Variants in CDC42SE2 observed in about 807,000 individuals in gnomAD.
The protein encoded by CDC42SE2 is CDC42 small effector protein 2.
A neutral mutation model predicts 11.5 loss-of-function variants in CDC42SE2; 3 were observed. The observed-to-expected ratio is 0.26, with a 90% CI of 0.12 to 0.67. The LOEUF (loss-of-function observed/expected upper bound fraction) is 0.67. Among genes scored for constraint, CDC42SE2 ranks in the 30% least tolerant of loss-of-function variants. CDC42SE2 has a pLI of 0.80. For missense variants in CDC42SE2, 82 were observed against 106.8 expected, an observed-to-expected ratio of 0.77 and a Z score of 1.02; for synonymous variants, 33 against 34.8, an observed-to-expected ratio of 0.95 and a Z score of 0.18.
chr5:131,353,007 C>G (rs1749394045), intron 2 of CDC42SE2, among the ~76,000 whole-genome samples: 1 of 152,054 alleles, frequency 6.6e-6, no homozygotes, highest in Non-Finnish European at 1.5e-5. Context: ...CACTCTGGTG[C>G]CCAGGCTTTA....
chr5:131,210,246 G>A, the CDC42SE2 span, among the ~76,000 whole-genome samples: 1 of 152,184 alleles, frequency 6.6e-6, no homozygotes, highest in East Asian at 1.9e-4. Context: ...CTGATACAGA[G>A]GTGCTGGAGG....
intron 2 of CDC42SE2, among the ~76,000 whole-genome samples, chr5:131,356,252 A>C (rs1202924273): frequency 6.6e-6 from 1 of 152,356 alleles, no homozygotes; most frequent in South Asian, 2.1e-4. Flanking sequence ...TAAAGATTTC[A>C]AAAAGTATAG....
intron 2 of CDC42SE2, among the ~76,000 whole-genome samples, chr5:131,317,914 T>C (rs1266933467): frequency 6.6e-6 from 1 of 152,120 alleles, no homozygotes; most frequent in Non-Finnish European, 1.5e-5. Flanking sequence ...AGAATACCTT[T>C]TTTTCCTACT....
intron 1 of CDC42SE2, among the ~76,000 whole-genome samples, chr5:131,272,643 G>A (rs1351124916): frequency 6.6e-6 from 1 of 151,698 alleles, no homozygotes; most frequent in Non-Finnish European, 1.5e-5. Context: ...ATTTCTACTG[G>A]ATTATCCCTA....
At chr5:131,229,252 T>C in the CDC42SE2 span, among the ~76,000 whole-genome samples, 1 of 152,092 alleles carries the variant, frequency 6.6e-6, no homozygotes, top group Non-Finnish European at 1.5e-5. Context: ...TGGACTTAAG[T>C]GATCCTCCCA....
intron 4 of CDC42SE2, among the ~76,000 whole-genome samples, chr5:131,388,656 T>C (rs188194401): frequency 1.3e-5 from 2 of 152,336 alleles, no homozygotes; most frequent in Admixed American, 1.3e-4. Context: ...TATTGTATAT[T>C]CACAGTCACA....
chr5:131,346,059 T>C (rs977591641), intron 2 of CDC42SE2, among the ~76,000 whole-genome samples: 10 of 152,148 alleles, frequency 6.6e-5, no homozygotes, highest in Admixed American at 5.9e-4. Context: ...TGCCAAATTA[T>C]AAAGACTATC....
chr5:131,372,923 CTTA>C (rs1157492435), intron 3 of CDC42SE2, among the ~76,000 whole-genome samples: 15 of 152,082 alleles, frequency 9.9e-5, no homozygotes, highest in Non-Finnish European at 1.5e-4. Context: ...AGTGAATGCT[CTTA>C]TTATGGATGT....
chr5:131,297,913 C>G (rs998917657), intron 1 of CDC42SE2, among the ~76,000 whole-genome samples: 4 of 151,984 alleles, frequency 2.6e-5, no homozygotes, highest in Non-Finnish European at 5.9e-5. Flanking sequence ...TATTTCCAAT[C>G]TTAATGACAG....
intron 1 of CDC42SE2, among the ~76,000 whole-genome samples, chr5:131,311,937 C>T (rs1021494352): frequency 3.3e-5 from 5 of 152,226 alleles, no homozygotes; most frequent in African/African-American, 9.7e-5. Flanking sequence ...GCCTTCTTCA[C>T]TCAGCTCGTC....
At chr5:131,362,774 G>A (rs1229613881) in intron 3 of CDC42SE2, among the ~76,000 whole-genome samples, 1 of 152,188 alleles carries the variant, frequency 6.6e-6, no homozygotes, top group African/African-American at 2.4e-5. Flanking sequence ...TAGTAATGCT[G>A]TAGTTGCTGT....
intron 2 of CDC42SE2, among the ~76,000 whole-genome samples, chr5:131,326,136 G>A (rs1237940609): frequency 8.8e-5 from 13 of 147,688 alleles, no homozygotes; most frequent in Non-Finnish European, 1.3e-4. Flanking sequence ...ACGGAGTCTC[G>A]CTCTGTCCCC....
the CDC42SE2 span, among the ~76,000 whole-genome samples, chr5:131,216,462 A>G: frequency 8.1e-5 from 12 of 147,558 alleles, no homozygotes; most frequent in Non-Finnish European, 1.3e-4. Flanking sequence ...TGGTCACACC[A>G]CTGCACTCTA....
intron 2 of CDC42SE2, among the ~76,000 whole-genome samples, chr5:131,321,729 A>G (rs1758194081): frequency 6.6e-6 from 1 of 151,790 alleles, no homozygotes; most frequent in African/African-American, 2.4e-5. Context: ...CCCCCCGCCA[A>G]AATCATCAAG....
At chr5:131,336,103 G>T (rs1337997958) in intron 2 of CDC42SE2, among the ~76,000 whole-genome samples, 2 of 152,154 alleles carry the variant, frequency 1.3e-5, no homozygotes, top group Non-Finnish European at 2.9e-5. Context: ...GCAGTGGCTG[G>T]TACCAGTTGT....
At chr5:131,265,479 A>G (rs1282464806) in intron 1 of CDC42SE2, among the ~76,000 whole-genome samples, 2 of 152,206 alleles carry the variant, frequency 1.3e-5, no homozygotes, top group Non-Finnish European at 2.9e-5. Context: ...TTGCACTAAT[A>G]TAATAAAATG....
chr5:131,330,050 T>C (rs1758387971), intron 2 of CDC42SE2, among the ~76,000 whole-genome samples: 1 of 152,122 alleles, frequency 6.6e-6, no homozygotes, highest in Non-Finnish European at 1.5e-5. Context: ...TTGGCAATTC[T>C]TCTCTTAAAT....
intron 1 of CDC42SE2, among the ~76,000 whole-genome samples, chr5:131,265,270 T>A (rs1453132955): frequency 6.6e-6 from 1 of 152,220 alleles, no homozygotes; most frequent in Non-Finnish European, 1.5e-5. Flanking sequence ...ACATTTTCTG[T>A]TTCTTAAAAA....
At chr5:131,279,194 C>T (rs139507948) in intron 1 of CDC42SE2, among the ~76,000 whole-genome samples, 103 of 152,190 alleles carry the variant, frequency 6.8e-4, no homozygotes, top group African/African-American at 2.4e-3. Context: ...CCTTCTTTTT[C>T]AAAGTTATGT....
Sources: allele counts gnomAD v4.1 joint callset (sites outside exome capture counted in the v4.1 genomes callset), GRCh38; gene constraint gnomAD v4.1.1; transcripts MANE v1.5; gene names NCBI Gene and HGNC (gene_info 2026-07-23, HGNC 2026-07-21).